Variants in TATDN3 observed in about 807,000 individuals in gnomAD.
The protein encoded by TATDN3 is TatD DNase domain containing 3.
A neutral mutation model predicts 40.1 loss-of-function variants in TATDN3; 29 were observed. The observed-to-expected ratio is 0.72, with a 90% CI of 0.54 to 0.99. The LOEUF (loss-of-function observed/expected upper bound fraction) is 0.99, where lower values mean the gene tolerates loss of function less well. Among genes scored for constraint, TATDN3 ranks in the 50% least tolerant of loss-of-function variants. The probability of loss-of-function intolerance (pLI) is 0.00; values close to 1 mark genes in which losing one functional copy is unlikely to be tolerated. For synonymous variants in TATDN3, 105 were observed against 117.0 expected (o/e 0.90, Z 0.66); for missense variants, 309 against 321.9 (o/e 0.96, Z 0.31).
At chr1:212,794,670 C>A in intron 1 of TATDN3, 1 of 449,104 alleles carries the variant, frequency 2.2e-6, no homozygotes. Flanking sequence ...AAGGCAAGTG[C>A]AGAGAGAGGA....
chr1:212,803,633 A>AT (rs1293108470), intron 5 of TATDN3, among the ~76,000 whole-genome samples: 1 of 152,082 alleles, frequency 6.6e-6, no homozygotes, highest in Non-Finnish European at 1.5e-5. Context: ...GCCGTCCAAT[A>AT]TAGTGGCCAC....
chr1:212,796,194 C>CA (rs1661742809), intron 2 of TATDN3, among the ~76,000 whole-genome samples: 1 of 152,160 alleles, frequency 6.6e-6, no homozygotes, highest in South Asian at 2.1e-4. Flanking sequence ...TTCACTGTGG[C>CA]AGCTTAATTA....
In TATDN3 at chr1:212,812,822, G is replaced by T. The variant is rs1017859458; in HGVS notation, c.681+494G>T. Reference sequence around the variant, plus strand: ...GTTCGAGACCAGCTTGACTAACATGGAGAAACCCTGTCTCTACTAAAAATA... The same window carrying T: ...GTTCGAGACCAGCTTGACTAACATGTAGAAACCCTGTCTCTACTAAAAATA... On this transcript the variant is annotated intron_variant, in intron 9 of 9. Coordinates refer to ENST00000366974, the MANE Select transcript of TATDN3 (RefSeq NM_001042552.3). 4.6e-5 allele frequency among the ~76,000 whole-genome samples: 7 copies of T among 152,296 alleles called. No homozygotes were observed. In the South Asian group the frequency reaches 1.0e-3, roughly 23 times the overall value.
chr1:212,810,629 G>A (rs1443954380), intron 8 of TATDN3, among the ~76,000 whole-genome samples: 1 of 151,704 alleles, frequency 6.6e-6, no homozygotes, highest in East Asian at 1.9e-4. Context: ...GGAGGGTCCA[G>A]TGAGCCGAGT....
At chr1:212,803,211 A>G (rs913033088) in intron 5 of TATDN3, among the ~76,000 whole-genome samples, 9 of 148,886 alleles carry the variant, frequency 6.0e-5, no homozygotes, top group African/African-American at 2.2e-4. Flanking sequence ...AGGCTGGAGT[A>G]CAGTGGTACA....
At chr1:212,804,888 T>G (rs1662366840) in intron 7 of TATDN3, among the ~76,000 whole-genome samples, 1 of 152,232 alleles carries the variant, frequency 6.6e-6, no homozygotes, top group Non-Finnish European at 1.5e-5. Context: ...CAATAATTTA[T>G]GTCCCTTAAT....
chr1:212,815,218 A>G lies in TATDN3; in HGVS notation c.*62A>G. On this transcript the variant is annotated 3_prime_UTR_variant, in exon 10 of 10. Coordinates refer to ENST00000366974, the MANE Select transcript of TATDN3 (RefSeq NM_001042552.3). Reference sequence around the variant, plus strand: ...AGGGGGCAGCATTTGAAAAATAGAAATGTTCTGATGAAGAATCTGAACTGA... The same window carrying G: ...AGGGGGCAGCATTTGAAAAATAGAAGTGTTCTGATGAAGAATCTGAACTGA... 2 of 1,528,116 alleles carry G rather than the reference A, an allele frequency of 1.3e-6. No individual in the cohort carries two copies. The highest frequency in any genetic ancestry group is 2.1e-5 in the Admixed American group (1 of 47,396). The allele number at this position is 1,528,116 out of a possible 1,614,324, so 94.7% of individuals were successfully genotyped here.
At chr1:212,807,983 A>T (rs1215115749) in intron 8 of TATDN3, 135 bp downstream of exon 8, 3 of 569,740 alleles carry the variant, frequency 5.3e-6, no homozygotes, top group Non-Finnish European at 9.0e-6. Flanking sequence ...CATATATATA[A>T]AAATGAACTC....
intron 4 of TATDN3, among the ~76,000 whole-genome samples, chr1:212,801,809 A>T (rs77422103): frequency 0.024 from 3,466 of 144,120 alleles, 63 homozygotes; most frequent in South Asian, 0.042. Context: ...ATATATTTCA[A>T]GTCTACTAGA....
At chr1:212,796,729 C>A in intron 3 of TATDN3, 139 bp downstream of exon 3, 1 of 567,704 alleles carries the variant, frequency 1.8e-6, no homozygotes, top group Non-Finnish European at 2.9e-6. Flanking sequence ...AGATTATTTT[C>A]TACTTATTCC....
At chr1:212,802,647 G>C (rs1433505515) in intron 4 of TATDN3, 54 bp from the exon 5 acceptor site, 2 of 1,224,484 alleles carry the variant, frequency 1.6e-6, no homozygotes, top group Non-Finnish European at 2.4e-6. Context: ...ATAGGAGCTT[G>C]TGAAATAGCA....
At chr1:212,804,228 T>G in intron 5 of TATDN3, 92 bp from the exon 6 acceptor site, 1 of 813,556 alleles carries the variant, frequency 1.2e-6, no homozygotes, top group South Asian at 1.9e-5. Context: ...GTGCCTCACA[T>G]TATATATTTC....
chr1:212,812,074 C>T (rs1261150769), intron 8 of TATDN3, among the ~76,000 whole-genome samples, 174 bp from the exon 9 acceptor site: 2 of 152,158 alleles, frequency 1.3e-5, no homozygotes, highest in Admixed American at 6.5e-5. Context: ...ACCTCGTGAT[C>T]CACCCGCCTC....
At chr1:212,814,976 T>G in intron 9 of TATDN3, 37 bp from the exon 10 acceptor site, 1 of 1,593,446 alleles carries the variant, frequency 6.3e-7, no homozygotes, top group Non-Finnish European at 8.5e-7. Flanking sequence ...TTCCCTTCAG[T>G]GTCATGTTTG....
chr1:212,795,103 T>A lies in TATDN3; in HGVS notation c.75T>A (p.Asp25Glu), dbSNP rs1661653620. The A allele has an allele frequency of 6.2e-7, 1 of 1,612,288 alleles. No homozygotes were observed. Among genetic ancestry groups the A allele is most frequent in the Non-Finnish European group, 8.5e-7 (1 of 1,178,862 alleles). Residue 25 changes from aspartate (D) to glutamate (E), a missense_variant, in exon 2 of 10, where the codon GAT (aspartate) becomes GAA (glutamate). Asp to Glu is a conservative substitution (Grantham distance 45). Coordinates refer to ENST00000366974, the MANE Select transcript of TATDN3 (RefSeq NM_001042552.3). ...TCTTATGCTTGTTTTAGGATTTGGA[T>A]GATGTGTTGGAGAAAGCCAAGAAGG... Reference protein sequence around the residue: ...LSAPDFDRDLDDVLEKAKKAN... With the variant: ...LSAPDFDRDLEDVLEKAKKAN...
intron 7 of TATDN3, among the ~76,000 whole-genome samples, chr1:212,806,219 T>G (rs115006113): frequency 4.6e-5 from 7 of 152,290 alleles, no homozygotes; most frequent in Non-Finnish European, 1.0e-4. Flanking sequence ...TAGTTCCCCA[T>G]TTCTTCTTTC....
chr1:212,806,358 T>TTCTC (rs199803563), intron 7 of TATDN3, among the ~76,000 whole-genome samples: 4 of 120,970 alleles, frequency 3.3e-5, no homozygotes, highest in Non-Finnish European at 3.6e-5. Flanking sequence ...AATTGAATAT[T>TTCTC]TCTCTCTCTC....
chr1:212,809,441 T>A (rs984157733), intron 8 of TATDN3, among the ~76,000 whole-genome samples: 5 of 152,090 alleles, frequency 3.3e-5, no homozygotes, highest in African/African-American at 1.2e-4. Context: ...TCCCAGCACT[T>A]TGGGAGGCCG....
chr1:212,810,005 C>CA (rs1361810905), intron 8 of TATDN3, among the ~76,000 whole-genome samples: 1 of 152,068 alleles, frequency 6.6e-6, no homozygotes, highest in Non-Finnish European at 1.5e-5. Flanking sequence ...GCCTGGGCGA[C>CA]AGAGACTCCA....
Sources: gnomAD v4.1 joint callset for allele counts (sites outside exome capture counted in the v4.1 genomes callset) on GRCh38, gnomAD v4.1.1 for gene constraint, MANE v1.5 for transcripts, NCBI Gene and HGNC (gene_info 2026-07-23, HGNC 2026-07-21) for gene names.